CHMP2B: variants seen among roughly 807,000 people sequenced by gnomAD.
The protein encoded by CHMP2B is VPS2 homolog B.
A neutral mutation model predicts 29.8 loss-of-function variants in CHMP2B; 22 were observed. The ratio of observed to expected loss-of-function variants is 0.74; its 90% CI spans 0.53 to 1.05. The LOEUF (loss-of-function observed/expected upper bound fraction) is 1.05, where lower values mean the gene tolerates loss of function less well. CHMP2B is among the 50% of genes least tolerant of loss of function. CHMP2B has a pLI of 0.00. For synonymous variants in CHMP2B, 78 were observed against 75.8 expected, an observed-to-expected ratio of 1.03 and a Z score of -0.15; for missense variants, 261 against 252.2, an observed-to-expected ratio of 1.03 and a Z score of -0.24.
chr3:87,231,002 T>A (rs1358422374), intron 1 of CHMP2B, among the ~76,000 whole-genome samples: 1 of 152,134 alleles, frequency 6.6e-6, no homozygotes, highest in African/African-American at 2.4e-5. Context: ...GTATTTATTT[T>A]TTTTTCTTTT....
intron 4 of CHMP2B, among the ~76,000 whole-genome samples, chr3:87,250,428 G>A (rs1019838213): frequency 1.3e-5 from 2 of 151,876 alleles, no homozygotes; most frequent in Non-Finnish European, 2.9e-5. Flanking sequence ...TGGAAACACA[G>A]AGAATACAGA....
intron 4 of CHMP2B, among the ~76,000 whole-genome samples, chr3:87,251,238 G>A (rs959369134): frequency 2.0e-5 from 3 of 151,924 alleles, no homozygotes; most frequent in African/African-American, 7.2e-5. Flanking sequence ...AGCTCCAAAA[G>A]TTCTGTAGTT....
At chr3:87,242,169 T>C (rs1364565176) in intron 2 of CHMP2B, among the ~76,000 whole-genome samples, 1 of 152,196 alleles carries the variant, frequency 6.6e-6, no homozygotes, top group Non-Finnish European at 1.5e-5. Context: ...ACAATAGATT[T>C]TTATATATTG....
chr3:87,239,197 A>G (rs1706070083), intron 1 of CHMP2B, among the ~76,000 whole-genome samples: 1 of 151,996 alleles, frequency 6.6e-6, no homozygotes, highest in Non-Finnish European at 1.5e-5. Context: ...TATTGTTTGC[A>G]TATATTTTCT....
At chr3:87,252,401 A>G (rs1278168206) in intron 4 of CHMP2B, among the ~76,000 whole-genome samples, 2 of 151,314 alleles carry the variant, frequency 1.3e-5, no homozygotes, top group Non-Finnish European at 3.0e-5. Flanking sequence ...GACATTTGCC[A>G]TTTATGTACC....
chr3:87,227,698 A>C, intron 1 of CHMP2B, 142 bp downstream of exon 1: 1 of 1,055,548 alleles, frequency 9.5e-7, no homozygotes, highest in Non-Finnish European at 1.5e-6. Flanking sequence ...TCGCGGCACC[A>C]CTTCTCTGCC....
At position 87,242,969 on chromosome 3, in the gene CHMP2B, AAAG is replaced by A. The variant is rs569562834; in HGVS notation, c.126+2181_126+2183del. Among the ~76,000 whole-genome samples the A allele has an allele frequency of 2.2e-4, 33 of 152,334 alleles. No individual in the cohort carries two copies. The South Asian group carries it at 4.6e-3, about 21-fold the overall frequency. ...TAGAATACAAATCAATTTCTACAAA[AAAG>A]ATCAGATTTTGATTGGGATTACATT... is the stretch of plus-strand genomic sequence containing the variant. On this transcript the variant is annotated intron_variant, in intron 2 of 5. Coordinates refer to ENST00000263780, the MANE Select transcript of CHMP2B (RefSeq NM_014043.4).
At chr3:87,241,246 A>T (rs2106902876) in intron 2 of CHMP2B, among the ~76,000 whole-genome samples, 1 of 152,280 alleles carries the variant, frequency 6.6e-6, no homozygotes, top group East Asian at 1.9e-4. Flanking sequence ...AATATTCTTT[A>T]TGCTATGTTT....
At chr3:87,253,622 A>G in intron 5 of CHMP2B, 90 bp from the exon 6 acceptor site, 1 of 1,369,196 alleles carries the variant, frequency 7.3e-7, no homozygotes, top group Non-Finnish European at 1.0e-6. Flanking sequence ...TTTCAAAAGT[A>G]AATTAAACAG....
At chr3:87,240,251 C>T (rs1706090580) in intron 1 of CHMP2B, 1 of 150,502 alleles carries the variant, frequency 6.6e-6, no homozygotes, top group South Asian at 2.1e-4. Context: ...AATTTTTTAG[C>T]ATATTAAAGT....
At chr3:87,238,830 A>G (rs957407778) in intron 1 of CHMP2B, among the ~76,000 whole-genome samples, 1 of 152,184 alleles carries the variant, frequency 6.6e-6, no homozygotes, top group Admixed American at 6.5e-5. Flanking sequence ...ACTAGGTCAT[A>G]CAGTAATTTG....
chr3:87,230,372 A>C (rs919612458), intron 1 of CHMP2B, among the ~76,000 whole-genome samples: 1 of 152,196 alleles, frequency 6.6e-6, no homozygotes, highest in Non-Finnish European at 1.5e-5. Flanking sequence ...AAAGCAAAGG[A>C]CTAAGTCGTG....
Position 87,240,741 on chromosome 3 carries a change from G to A in CHMP2B, c.77G>A (p.Arg26Lys). Residue 26 changes from arginine to lysine, a missense_variant, in exon 2 of 6, where the codon AGG becomes AAG. Arg to Lys is a conservative substitution (Grantham distance 26). Coordinates refer to ENST00000263780, the MANE Select transcript of CHMP2B (RefSeq NM_014043.4). Reference protein sequence around the residue: ...EQNRELRGTQRAIIRDRAALE... With the variant: ...EQNRELRGTQKAIIRDRAALE... ...AATCGAGAGTTACGAGGTACACAGAGGGCTATAATCAGAGATCGAGCAGCT... is the reference window on the plus strand; with the variant it reads ...AATCGAGAGTTACGAGGTACACAGAAGGCTATAATCAGAGATCGAGCAGCT... 1 of 1,613,634 alleles carries A rather than the reference G, an allele frequency of 6.2e-7. No individual in the cohort carries two copies.
At chr3:87,246,649 ATGTT>A (rs972031288) in intron 3 of CHMP2B, among the ~76,000 whole-genome samples, 12 of 152,186 alleles carry the variant, frequency 7.9e-5, no homozygotes, top group African/African-American at 2.7e-4. Flanking sequence ...ATTTATCAGA[ATGTT>A]TGTCTAGAAC....
At chr3:87,231,843 C>T (rs77065717) in intron 1 of CHMP2B, among the ~76,000 whole-genome samples, 4,101 of 152,194 alleles carry the variant, frequency 0.027, 78 homozygotes, top group African/African-American at 0.042. Flanking sequence ...CTATGAAGTA[C>T]TCCTTATGTT....
intron 2 of CHMP2B, 32 bp from the exon 3 acceptor site, chr3:87,245,682 T>C (rs1337982961): frequency 6.4e-7 from 1 of 1,570,264 alleles, no homozygotes; most frequent in East Asian, 2.2e-5. Context: ...CCTTTAATAA[T>C]TTTATTTTCT....
intron 4 of CHMP2B, among the ~76,000 whole-genome samples, chr3:87,251,619 A>G (rs766667754): frequency 1.4e-4 from 22 of 151,978 alleles, no homozygotes; most frequent in Non-Finnish European, 3.2e-4. Context: ...TACACTAACA[A>G]TATTTTCATC....
Position 87,254,740 on chromosome 3 carries a change from A to C in CHMP2B, c.*918A>C, listed in dbSNP as rs533192743. 1 of 151,900 alleles carries C rather than the reference A, an allele frequency of 6.6e-6. No individual in the cohort carries two copies. The highest frequency in any genetic ancestry group is 1.5e-5 in the Non-Finnish European group (1 of 67,888). 9.4% of individuals were successfully genotyped at this position (151,900 alleles called of 1,614,324 possible). A position where few individuals can be genotyped will look rare whatever the true frequency, so the allele number is the denominator to read the frequency against. ...AATATATTTTGGCCATCTAAAAATG[A>C]GAATTATAATTATATGAATTATAAT... On this transcript the variant is annotated 3_prime_UTR_variant, in exon 6 of 6. Coordinates refer to ENST00000263780, the MANE Select transcript of CHMP2B (RefSeq NM_014043.4).
intron 1 of CHMP2B, among the ~76,000 whole-genome samples, chr3:87,236,929 C>A (rs144653895): frequency 1.2e-3 from 186 of 152,192 alleles, no homozygotes; most frequent in Non-Finnish European, 2.2e-3. Flanking sequence ...AGTCCTTAGT[C>A]CTTAGTACAC....
Sources: gnomAD v4.1 joint callset for allele counts (sites outside exome capture counted in the v4.1 genomes callset) on GRCh38, gnomAD v4.1.1 for gene constraint, MANE v1.5 for transcripts, NCBI Gene and HGNC (gene_info 2026-07-23, HGNC 2026-07-21) for gene names.